Variants in CPA6 observed in about 807,000 individuals in gnomAD.
CPA6 encodes carboxypeptidase A6.
CPA6 carries 58 observed loss-of-function variants against 63.3 expected under a neutral mutation model. The observed-to-expected ratio is 0.92, with a 90% CI of 0.74 to 1.14. The LOEUF (loss-of-function observed/expected upper bound fraction) is 1.14, where lower values mean the gene tolerates loss of function less well. CPA6 is among the 50% of genes most tolerant of loss of function. CPA6 has a pLI of 0.00. For missense variants in CPA6, 565 were observed against 526.6 expected, an observed-to-expected ratio of 1.07 and a Z score of -0.71; for synonymous variants, 185 against 179.0, an observed-to-expected ratio of 1.03 and a Z score of -0.27.
chr8:67,713,049 T>C (rs1220035833), intron 1 of CPA6, among the ~76,000 whole-genome samples: 1 of 143,102 alleles, frequency 7.0e-6, no homozygotes, highest in Non-Finnish European at 1.5e-5. Context: ...ATGTACACAT[T>C]AAACTTTATA....
At chr8:67,533,081 C>G (rs567478217) in intron 2 of CPA6, among the ~76,000 whole-genome samples, 1 of 152,158 alleles carries the variant, frequency 6.6e-6, no homozygotes, top group Admixed American at 6.5e-5. Flanking sequence ...GTAATAAAAT[C>G]GTCCTTTGTT....
intron 2 of CPA6, among the ~76,000 whole-genome samples, chr8:67,574,734 T>G (rs1030311687): frequency 6.6e-6 from 1 of 151,908 alleles, no homozygotes; most frequent in Non-Finnish European, 1.5e-5. Flanking sequence ...TACAAAAATT[T>G]AACTAAAAAT....
chr8:67,745,673 A>G (rs1482266069), intron 1 of CPA6, among the ~76,000 whole-genome samples: 1 of 152,216 alleles, frequency 6.6e-6, no homozygotes, highest in Non-Finnish European at 1.5e-5. Context: ...TTCAGGTCAT[A>G]AATCATGTAG....
chr8:67,581,226 G>C (rs1463523158), intron 2 of CPA6, among the ~76,000 whole-genome samples: 1 of 152,200 alleles, frequency 6.6e-6, no homozygotes. Context: ...TGCGACAGTT[G>C]ATTAAGGGAT....
At chr8:67,548,861 G>T (rs917360818) in intron 2 of CPA6, among the ~76,000 whole-genome samples, 3 of 152,184 alleles carry the variant, frequency 2.0e-5, no homozygotes, top group Non-Finnish European at 4.4e-5. Flanking sequence ...AGATACTGCA[G>T]TTCCAGAGAT....
chr8:67,439,680 G>C (rs982899157), intron 8 of CPA6, among the ~76,000 whole-genome samples: 2 of 152,030 alleles, frequency 1.3e-5, no homozygotes, highest in Admixed American at 6.6e-5. Flanking sequence ...GCAGAAATAA[G>C]TCTTAAAGTA....
intron 6 of CPA6, among the ~76,000 whole-genome samples, chr8:67,502,834 C>T (rs570092294): frequency 2.0e-5 from 3 of 152,246 alleles, no homozygotes; most frequent in Admixed American, 2.0e-4. Flanking sequence ...ATTGTGGTTA[C>T]AGAACACACC....
rs190355811 is a variant in CPA6, at chr8:67,548,017, T to C, written c.193-29970A>G. 4.4e-3 allele frequency among the ~76,000 whole-genome samples: 672 copies of C among 152,300 alleles called. 3 individuals carry two copies. Among genetic ancestry groups the C allele is most frequent in the African/African-American group, 0.015 (626 of 41,570 alleles). ...TGATGCTCAGGAAAATCTTTAGCAA[T>C]AGAGTTACCAGATTCTTGTTTTAGA... On this transcript the variant is annotated intron_variant, in intron 2 of 10. Transcript: ENST00000297770.
intron 9 of CPA6, among the ~76,000 whole-genome samples, chr8:67,429,866 C>T (rs1809981955): frequency 1.3e-5 from 2 of 152,134 alleles, no homozygotes; most frequent in South Asian, 2.1e-4. Context: ...AAAGGAGATG[C>T]ACAGTTTTAG....
At chr8:67,428,161 ATT>A (rs1250239611) in intron 9 of CPA6, 30 bp from the exon 10 acceptor site, 1 of 1,365,976 alleles carries the variant, frequency 7.3e-7, no homozygotes, top group Non-Finnish European at 1.0e-6. Flanking sequence ...AATTTTATAT[ATT>A]GTTGCATTGA....
At chr8:67,582,663 A>G (rs1467954544) in intron 2 of CPA6, among the ~76,000 whole-genome samples, 1 of 152,164 alleles carries the variant, frequency 6.6e-6, no homozygotes, top group Non-Finnish European at 1.5e-5. Flanking sequence ...ATGAATGACT[A>G]ATAATTTTTG....
chr8:67,678,504 G>T (rs933568655), intron 1 of CPA6, among the ~76,000 whole-genome samples: 15 of 152,156 alleles, frequency 9.9e-5, no homozygotes, highest in African/African-American at 3.6e-4. Context: ...TAACAAAATG[G>T]CCACTAAACA....
chr8:67,457,300 A>C (rs1001990106), intron 8 of CPA6, among the ~76,000 whole-genome samples: 1 of 152,234 alleles, frequency 6.6e-6, no homozygotes, highest in Non-Finnish European at 1.5e-5. Context: ...AAATTTATTA[A>C]GTAAATGAAT....
chr8:67,657,220 T>C (rs1188839073), intron 1 of CPA6, among the ~76,000 whole-genome samples: 3 of 152,136 alleles, frequency 2.0e-5, no homozygotes, highest in Non-Finnish European at 2.9e-5. Context: ...GAAATAGTGA[T>C]AAAAAATATT....
chr8:67,632,476 T>TA (rs1002520032), intron 1 of CPA6, among the ~76,000 whole-genome samples: 4 of 151,836 alleles, frequency 2.6e-5, no homozygotes, highest in South Asian at 2.1e-4. Context: ...CCCAGCTAAT[T>TA]AAAAAAAAAT....
chr8:67,677,145 C>G (rs543274359), intron 1 of CPA6, among the ~76,000 whole-genome samples: 1 of 152,100 alleles, frequency 6.6e-6, no homozygotes, highest in Non-Finnish European at 1.5e-5. Flanking sequence ...ACCCAGAGGT[C>G]CTGGAATCTG....
intron 1 of CPA6, among the ~76,000 whole-genome samples, chr8:67,656,541 G>A (rs966244111): frequency 1.3e-5 from 2 of 152,140 alleles, no homozygotes; most frequent in African/African-American, 2.4e-5. Flanking sequence ...GCTGGGTTGT[G>A]AGCCTGACCT....
intron 2 of CPA6, among the ~76,000 whole-genome samples, chr8:67,531,220 A>G (rs946137850): frequency 3.3e-5 from 5 of 152,152 alleles, no homozygotes; most frequent in African/African-American, 1.2e-4. Context: ...ACTTAAAGGG[A>G]TGTAAGGTAT....
chr8:67,644,080 C>G (rs577224288), intron 1 of CPA6, among the ~76,000 whole-genome samples: 1 of 151,696 alleles, frequency 6.6e-6, no homozygotes, highest in African/African-American at 2.4e-5. Flanking sequence ...CCTTAAAGAC[C>G]GCATGGTTGC....
Sources: allele counts gnomAD v4.1 joint callset (sites outside exome capture counted in the v4.1 genomes callset), GRCh38; gene constraint gnomAD v4.1.1; transcripts MANE v1.5; gene names NCBI Gene and HGNC (gene_info 2026-07-23, HGNC 2026-07-21).